PCYT2: variants seen among roughly 807,000 people sequenced by gnomAD.
PCYT2 encodes phosphate cytidylyltransferase 2, ethanolamine.
A neutral mutation model predicts 50.0 loss-of-function variants in PCYT2; 33 were observed. The observed-to-expected ratio is 0.66, with a 90% CI of 0.50 to 0.88. The LOEUF (loss-of-function observed/expected upper bound fraction) is 0.88, where lower values mean the gene tolerates loss of function less well. PCYT2 is among the 40% of genes least tolerant of loss of function. The pLI, the probability that PCYT2 is intolerant of heterozygous loss-of-function variation, is 0.00. For missense variants in PCYT2, 430 were observed against 519.7 expected (o/e 0.83, Z 1.68); for synonymous variants, 240 against 203.7 (o/e 1.18, Z -1.52).
intron 6 of PCYT2, chr17:81,907,172 G>A: frequency 6.7e-7 from 1 of 1,501,122 alleles, no homozygotes; most frequent in African/African-American, 1.4e-5. Context: ...CCTTGGGAGG[G>A]ACCTGGTACC....
At position 81,909,213 on chromosome 17, in the gene PCYT2, G is replaced by A. The variant is rs368379029; in HGVS notation, c.179-176C>T. 3.3e-4 allele frequency: 479 copies of A among 1,436,162 alleles called. 3 individuals carry two copies. The South Asian group carries it at 5.9e-3, about 18-fold the overall frequency. The allele number at this position is 1,436,162 out of a possible 1,614,324, so 89.0% of individuals were successfully genotyped here. A position where few individuals can be genotyped will look rare whatever the true frequency, so the allele number is the denominator to read the frequency against. ...CCAACTGGGTGGCTCTCTTCCCTGCGAGGGTCTCAGGCAAAGGCAGAGATT... is the reference window on the plus strand; with the variant it reads ...CCAACTGGGTGGCTCTCTTCCCTGCAAGGGTCTCAGGCAAAGGCAGAGATT... On this transcript the variant is annotated intron_variant, in intron 2 of 12. Transcript: ENST00000538936.
At position 81,903,521 on chromosome 17, in the gene PCYT2, T is replaced by A. The variant is rs1236314822; in HGVS notation, c.*1312A>T. ...CCCCTGTCCAGCACCAATCTGTCTA[T>A]GGGGAACTGGCTGGTCCCTCTGCTC... On this transcript the variant is annotated 3_prime_UTR_variant, in exon 13 of 13. Coordinates refer to ENST00000538936, the MANE Select transcript of PCYT2 (RefSeq NM_002861.5). The A allele has an allele frequency of 6.6e-6, 1 of 152,354 alleles. No individual in the cohort carries two copies. Among genetic ancestry groups the A allele is most frequent in the East Asian group, 1.9e-4 (1 of 5,200 alleles). 9.4% of individuals were successfully genotyped at this position (152,354 alleles called of 1,614,324 possible).
rs767330297 is a variant in PCYT2, at chr17:81,901,214, A to C, written c.*3619T>G. 1.3e-5 allele frequency: 2 copies of C among 152,238 alleles called. No homozygotes were observed. The highest frequency in any genetic ancestry group is 2.9e-5 in the Non-Finnish European group (2 of 68,038). 9.4% of individuals were successfully genotyped at this position (152,238 alleles called of 1,614,324 possible). ...CGTGCGAGGGCGGGAAGCATCCAGC[A>C]TGGGAGAAAGATGGAGGCCAGATTC... On this transcript the variant is annotated 3_prime_UTR_variant, in exon 13 of 13. Transcript: ENST00000538936.
intron 9 of PCYT2, 55 bp downstream of exon 9, chr17:81,906,045 G>T: frequency 1.3e-6 from 2 of 1,483,544 alleles, no homozygotes; most frequent in East Asian, 2.3e-5. Flanking sequence ...CTTAGTAGGG[G>T]GGATGTTGTG....
intron 6 of PCYT2, 97 bp downstream of exon 6, chr17:81,907,457 C>T: frequency 7.4e-7 from 1 of 1,358,636 alleles, no homozygotes; most frequent in African/African-American, 1.4e-5. Flanking sequence ...GAGGGTGAGG[C>T]TCTGGGCTGG....
Position 81,902,606 on chromosome 17 carries a change from T to C in PCYT2, c.*2227A>G. 1 of 1,562,880 alleles carries C rather than the reference T, an allele frequency of 6.4e-7. No individual in the cohort carries two copies. Among genetic ancestry groups the C allele is most frequent in the Non-Finnish European group, 8.6e-7 (1 of 1,160,072 alleles). On this transcript the variant is annotated 3_prime_UTR_variant, in exon 13 of 13. Transcript: ENST00000538936. ...GTGCGGCGGCCCCTCAGCCTTTGCT[T>C]GCCTGCCCCCCAGGCTGTGTGCGTC...
At position 81,901,121 on chromosome 17, in the gene PCYT2, C is replaced by T. The variant is rs979501557; in HGVS notation, c.*3712G>A. On this transcript the variant is annotated 3_prime_UTR_variant, in exon 13 of 13. Transcript: ENST00000538936. ...GCAGCCTTCATCCTGTGGCCAAAGG[C>T]TGCAGAGCCCCTGGCAAGCCACTGG... The T allele has an allele frequency of 4.6e-5, 7 of 152,234 alleles. No individual in the cohort carries two copies. Among genetic ancestry groups the T allele is most frequent in the Non-Finnish European group, 1.5e-5 (1 of 68,036 alleles). The allele number at this position is 152,234 out of a possible 1,614,324, so 9.4% of individuals were successfully genotyped here.
Position 81,904,709 on chromosome 17 carries a change from A to G in PCYT2, c.*124T>C, listed in dbSNP as rs1284424918. 7.8e-6 allele frequency: 5 copies of G among 642,662 alleles called. No individual in the cohort carries two copies. Among genetic ancestry groups the G allele is most frequent in the Non-Finnish European group, 1.3e-5 (5 of 374,838 alleles). The allele number at this position is 642,662 out of a possible 1,614,324, so 39.8% of individuals were successfully genotyped here. On this transcript the variant is annotated 3_prime_UTR_variant, in exon 13 of 13. Coordinates refer to ENST00000538936, the MANE Select transcript of PCYT2 (RefSeq NM_002861.5). ...GCACCTTGTAGGCAGGCAAGGAGGC[A>G]GAGTCCTCACCAGCCCTTCCAGAGC... is the stretch of plus-strand genomic sequence containing the variant.
At chr17:81,905,272 G>T in intron 11 of PCYT2, 110 bp downstream of exon 11, 1 of 1,318,690 alleles carries the variant, frequency 7.6e-7, no homozygotes. Context: ...TGGTGCAGTC[G>T]GAGCAGCTGC....
intron 1 of PCYT2, among the ~76,000 whole-genome samples, chr17:81,910,438 C>T (rs575951795): frequency 6.6e-6 from 1 of 152,244 alleles, no homozygotes; most frequent in Non-Finnish European, 1.5e-5. Flanking sequence ...GTGCGCGGAG[C>T]CCGGCAGACA....
rs936856867 is a variant in PCYT2 at position 81,902,046 on chromosome 17, T to G, written c.*2787A>C. The G allele has an allele frequency of 4.2e-5, 12 of 287,646 alleles. No homozygotes were observed. The highest frequency in any genetic ancestry group is 6.2e-5 in the Non-Finnish European group (10 of 160,054). 17.8% of individuals were successfully genotyped at this position (287,646 alleles called of 1,614,324 possible). A position where few individuals can be genotyped will look rare whatever the true frequency, so the allele number is the denominator to read the frequency against. On this transcript the variant is annotated 3_prime_UTR_variant, in exon 13 of 13. Coordinates refer to ENST00000538936, the MANE Select transcript of PCYT2 (RefSeq NM_002861.5). Reference sequence around the variant, plus strand: ...TGGGGAGCTTGAGGGGGCGTTGGGCTCCCACCAAGCGCCAGATCCTTGCGC... The same window carrying G: ...TGGGGAGCTTGAGGGGGCGTTGGGCGCCCACCAAGCGCCAGATCCTTGCGC...
Position 81,902,902 on chromosome 17 carries a change from C to CG in PCYT2, c.*1930dup. 1 of 657,188 alleles carries CG rather than the reference C, an allele frequency of 1.5e-6. No individual in the cohort carries two copies. The highest frequency in any genetic ancestry group is 3.3e-5 in the East Asian group (1 of 30,318). 40.7% of individuals were successfully genotyped at this position (657,188 alleles called of 1,614,324 possible). A position where few individuals can be genotyped will look rare whatever the true frequency, so the allele number is the denominator to read the frequency against. On this transcript the variant is annotated 3_prime_UTR_variant, in exon 13 of 13. Transcript: ENST00000538936. ...AACGAATAAATAAATGAGGCGGCCT[C>CG]GGAGTGAGGGGTGCTGGAGGACTGG...
chr17:81,909,612 CAGAG>C lies in PCYT2; in HGVS notation c.90-14_90-11del, dbSNP rs565415274. On this transcript the variant is annotated splice_polypyrimidine_tract_variant and intron_variant, in intron 1 of 12. Coordinates refer to ENST00000538936, the MANE Select transcript of PCYT2 (RefSeq NM_002861.5). ...ATGCACCATGTCATAGCTGTGGAGA[CAGAG>C]AGAGTGGGTGGTCCCTGTGCCAAGG... 2.5e-3 allele frequency: 3,975 copies of C among 1,610,228 alleles called. 21 individuals carry two copies. Among genetic ancestry groups the C allele is most frequent in the Middle Eastern group, 0.011 (64 of 6,044 alleles).
chr17:81,905,956 G>C (rs1048838638), intron 9 of PCYT2, 144 bp downstream of exon 9: 1 of 766,516 alleles, frequency 1.3e-6, no homozygotes, highest in Non-Finnish European at 2.2e-6. Flanking sequence ...AACAGGTATG[G>C]GCAGGTGCCA....
In PCYT2 at chr17:81,904,735, C is replaced by G; in HGVS notation, c.*98G>C. On this transcript the variant is annotated 3_prime_UTR_variant, in exon 13 of 13. Coordinates refer to ENST00000538936, the MANE Select transcript of PCYT2 (RefSeq NM_002861.5). ...GAGTCCTCACCAGCCCTTCCAGAGC[C>G]AGGCCAGTTAGAGAGGGCGGCCCTG... 1.3e-6 allele frequency: 1 copy of G among 777,652 alleles called. No individual in the cohort carries two copies. The highest frequency in any genetic ancestry group is 2.4e-4 in the Middle Eastern group (1 of 4,180). The allele number at this position is 777,652 out of a possible 1,614,324, so 48.2% of individuals were successfully genotyped here.
Position 81,910,797 on chromosome 17 carries a change from C to G in PCYT2, c.89+470G>C, listed in dbSNP as rs113129476. 5 of 732,746 alleles carry G rather than the reference C, an allele frequency of 6.8e-6. No homozygotes were observed. In the African/African-American group the frequency reaches 7.6e-5, roughly 11 times the overall value. The allele number at this position is 732,746 out of a possible 1,614,324, so 45.4% of individuals were successfully genotyped here. On this transcript the variant is annotated intron_variant, in intron 1 of 12. Transcript: ENST00000538936. ...CTTTTCTTAAAACAATGCCCTCTGA[C>G]TGGCCAGGGAAGACCGATCGCATTC... is the stretch of plus-strand genomic sequence containing the variant.
At chr17:81,908,817 G>A in intron 3 of PCYT2, 59 bp downstream of exon 3, 1 of 1,513,982 alleles carries the variant, frequency 6.6e-7, no homozygotes. Flanking sequence ...CCCACCAGCA[G>A]ATCTGATCCT....
intron 5 of PCYT2, 41 bp downstream of exon 5, chr17:81,907,732 A>G: frequency 6.3e-7 from 1 of 1,598,710 alleles, no homozygotes; most frequent in Non-Finnish European, 8.6e-7. Flanking sequence ...TCCCCTGGAG[A>G]CCTCGACCCA....
chr17:81,902,517 G>A lies in PCYT2; in HGVS notation c.*2316C>T. On this transcript the variant is annotated 3_prime_UTR_variant, in exon 13 of 13. Transcript: ENST00000538936. The stretch of plus-strand genomic sequence containing the variant: ...CGGAGCTGCAACTGCACCCCAGGCT[G>A]CGGAGCCTCGTGAGTCCGGCGTGCC... 1.4e-6 allele frequency: 2 copies of A among 1,448,166 alleles called. No homozygotes were observed. Among genetic ancestry groups the A allele is most frequent in the Non-Finnish European group, 1.8e-6 (2 of 1,107,446 alleles). 89.7% of individuals were successfully genotyped at this position (1,448,166 alleles called of 1,614,324 possible). A position where few individuals can be genotyped will look rare whatever the true frequency, so the allele number is the denominator to read the frequency against.
Sources: gnomAD v4.1 joint callset for allele counts (sites outside exome capture counted in the v4.1 genomes callset) on GRCh38, gnomAD v4.1.1 for gene constraint, MANE v1.5 for transcripts, NCBI Gene and HGNC (gene_info 2026-07-23, HGNC 2026-07-21) for gene names.